Variants in NPSR1 observed in about 807,000 individuals in gnomAD.
The protein encoded by NPSR1 is neuropeptide S receptor.
NPSR1 carries 48 observed loss-of-function variants against 46.9 expected under a neutral mutation model. That is an observed-to-expected ratio of 1.02 (90% CI 0.81 to 1.30). The LOEUF is 1.30. Among genes scored for constraint, NPSR1 ranks in the 50% most tolerant of loss-of-function variants. NPSR1 has a pLI of 0.00. For synonymous variants in NPSR1, 176 were observed against 168.1 expected (o/e 1.05, Z -0.36); for missense variants, 450 against 449.5 (o/e 1.00, Z -0.01).
Position 34,848,489 on chromosome 7 carries a change from T to C in NPSR1, c.851T>C (p.Ile284Thr). 6.2e-7 allele frequency: 1 copy of C among 1,614,106 alleles called. No homozygotes were observed. The highest frequency in any genetic ancestry group is 8.5e-7 in the Non-Finnish European group (1 of 1,179,968). Residue 284 changes from isoleucine (I) to threonine (T), a missense_variant, in exon 8 of 9, where the codon ATC (isoleucine) becomes ACC (threonine). Physicochemically the swap from Ile to Thr is moderately conservative, Grantham distance 89. Coordinates refer to ENST00000360581, the MANE Select transcript of NPSR1 (RefSeq NM_207172.2). ...KYSIIIILAF[I>T]CCWSPYFLFD... Reference sequence around the variant, plus strand: ...TGGCTCTCTTCTCCCCCAGCCTTCATCTGCTGTTGGAGTCCATACTTCCTG... The same window carrying C: ...TGGCTCTCTTCTCCCCCAGCCTTCACCTGCTGTTGGAGTCCATACTTCCTG...
intron 2 of NPSR1, among the ~76,000 whole-genome samples, chr7:34,772,496 G>T (rs1430372942): frequency 1.3e-5 from 2 of 152,142 alleles, no homozygotes; most frequent in Non-Finnish European, 2.9e-5. Context: ...GCCTAATGGT[G>T]TTTCTCAACA....
chr7:34,852,417 T>C (rs1427086362), downstream of NPSR1, among the ~76,000 whole-genome samples: 2 of 152,072 alleles, frequency 1.3e-5, no homozygotes, highest in Admixed American at 1.3e-4. Flanking sequence ...TTCACACCTC[T>C]GGGCATTGAT....
intron 2 of NPSR1, chr7:34,711,104 A>T (rs1783260340): frequency 3.3e-6 from 1 of 306,912 alleles, no homozygotes; most frequent in South Asian, 3.7e-5. Flanking sequence ...CCTTTGTCAG[A>T]TCTTCAATGG....
intron 1 of NPSR1, among the ~76,000 whole-genome samples, chr7:34,662,221 G>A (rs1791490235): frequency 6.6e-6 from 1 of 152,182 alleles, no homozygotes; most frequent in Non-Finnish European, 1.5e-5. Flanking sequence ...TCGGTGGATA[G>A]TTACAAGTGA....
chr7:34,685,653 C>CCATA, intron 2 of NPSR1: 1 of 406,862 alleles, frequency 2.5e-6, no homozygotes, highest in Non-Finnish European at 4.8e-6. Context: ...TAGTCTTGAG[C>CCATA]CATAATATTT....
At chr7:34,844,831 T>C in intron 6 of NPSR1, 65 bp from the exon 7 acceptor site, 1 of 1,010,140 alleles carries the variant, frequency 9.9e-7, no homozygotes, top group Non-Finnish European at 1.6e-6. Context: ...ATGTTCCTAT[T>C]GGCTGAAACA....
chr7:34,693,170 T>G lies in NPSR1; in HGVS notation c.280+8486T>G, dbSNP rs930674891. On this transcript the variant is annotated intron_variant, in intron 2 of 8. Coordinates refer to ENST00000360581, the MANE Select transcript of NPSR1 (RefSeq NM_207172.2). ...TATGATTGTAAGCTTCCTGAGCCCC[T>G]CCAAGAAGCCAAGCAGATGCCAGCA... Among the ~76,000 whole-genome samples the G allele has an allele frequency of 4.6e-5, 7 of 152,032 alleles. No homozygotes were observed. In the East Asian group the frequency reaches 1.2e-3, roughly 25 times the overall value.
intron 8 of NPSR1, among the ~76,000 whole-genome samples, chr7:34,872,022 G>T (rs961402563): frequency 2.1e-4 from 32 of 151,898 alleles, no homozygotes; most frequent in African/African-American, 7.8e-4. Context: ...ATTTCCCCCT[G>T]CCATTGCCCT....
At chr7:34,744,685 C>T (rs1280381974) in intron 2 of NPSR1, among the ~76,000 whole-genome samples, 3 of 152,172 alleles carry the variant, frequency 2.0e-5, no homozygotes, top group Non-Finnish European at 4.4e-5. Context: ...AATAATCAAT[C>T]AGGTTTGTGA....
intron 3 of NPSR1, among the ~76,000 whole-genome samples, chr7:34,785,571 C>G (rs533092620): frequency 6.6e-6 from 1 of 152,054 alleles, no homozygotes; most frequent in Admixed American, 6.6e-5. Context: ...ATATCACTCA[C>G]TGTTAAAAGT....
At position 34,658,307 on chromosome 7, in the gene NPSR1, C is replaced by A; in HGVS notation, c.-106C>A. Reference sequence around the variant, plus strand: ...GGTGGGCTCAGGGAGGGCTCTGTGCCTCCGTTCAGCAGAGCTGCAGCTGCT... The same window carrying A: ...GGTGGGCTCAGGGAGGGCTCTGTGCATCCGTTCAGCAGAGCTGCAGCTGCT... On this transcript the variant is annotated 5_prime_UTR_variant, in exon 1 of 9. Coordinates refer to ENST00000360581, the MANE Select transcript of NPSR1 (RefSeq NM_207172.2). The A allele has an allele frequency of 7.7e-7, 1 of 1,292,408 alleles. No individual in the cohort carries two copies. Among genetic ancestry groups the A allele is most frequent in the Non-Finnish European group, 1.1e-6 (1 of 921,176 alleles). 80.1% of individuals were successfully genotyped at this position (1,292,408 alleles called of 1,614,324 possible).
chr7:34,660,927 G>T (rs1384187950), intron 1 of NPSR1, among the ~76,000 whole-genome samples: 1 of 152,092 alleles, frequency 6.6e-6, no homozygotes, highest in African/African-American at 2.4e-5. Context: ...ACTTAATGCA[G>T]TTCTGTCTTA....
At chr7:34,821,408 G>A (rs562922824) in intron 4 of NPSR1, among the ~76,000 whole-genome samples, 112 of 152,290 alleles carry the variant, frequency 7.4e-4, no homozygotes, top group African/African-American at 2.6e-3. Flanking sequence ...TTATAGGCAT[G>A]AGACACTGCA....
chr7:34,837,898 G>A (rs889633960), intron 6 of NPSR1, among the ~76,000 whole-genome samples: 1 of 152,196 alleles, frequency 6.6e-6, no homozygotes, highest in African/African-American at 2.4e-5. Flanking sequence ...TAAAGGCTGA[G>A]TCATGACTGG....
intron 3 of NPSR1, among the ~76,000 whole-genome samples, chr7:34,791,052 T>C (rs887980900): frequency 1.4e-4 from 18 of 124,614 alleles, no homozygotes; most frequent in African/African-American, 5.3e-4. Flanking sequence ...TTATATATGT[T>C]ATATGTTATA....
At chr7:34,721,204 CATAACACCCA>C (rs1427229538) in intron 2 of NPSR1, among the ~76,000 whole-genome samples, 1 of 152,096 alleles carries the variant, frequency 6.6e-6, no homozygotes, top group Non-Finnish European at 1.5e-5. Flanking sequence ...ATTCATGTTG[CATAACACCCA>C]ATCCATTCCT....
chr7:34,683,996 C>T (rs533504121), intron 1 of NPSR1, among the ~76,000 whole-genome samples: 2 of 152,272 alleles, frequency 1.3e-5, no homozygotes, highest in Admixed American at 6.5e-5. Flanking sequence ...CTGCTTTTAA[C>T]ATTTTACTGT....
chr7:34,740,876 C>T (rs1784906570), intron 2 of NPSR1, among the ~76,000 whole-genome samples: 2 of 152,202 alleles, frequency 1.3e-5, no homozygotes, highest in Non-Finnish European at 2.9e-5. Context: ...ACTCCACATG[C>T]TGCTCTGTCC....
At chr7:34,706,539 G>T (rs142803233) in intron 2 of NPSR1, among the ~76,000 whole-genome samples, 16 of 152,090 alleles carry the variant, frequency 1.1e-4, no homozygotes, top group African/African-American at 3.6e-4. Flanking sequence ...CTTAAAGGTT[G>T]CTTTGTCTAT....
Sources: gnomAD v4.1 joint callset for allele counts (sites outside exome capture counted in the v4.1 genomes callset) on GRCh38, gnomAD v4.1.1 for gene constraint, MANE v1.5 for transcripts, NCBI Gene and HGNC (gene_info 2026-07-23, HGNC 2026-07-21) for gene names.